TMEM132C: variants seen among roughly 807,000 people sequenced by gnomAD.
TMEM132C encodes the protein transmembrane protein 132C.
A neutral mutation model predicts 61.4 loss-of-function variants in TMEM132C; 29 were observed. The observed-to-expected ratio is 0.47, with a 90% CI of 0.35 to 0.64. The LOEUF (loss-of-function observed/expected upper bound fraction) is 0.64. Among genes scored for constraint, TMEM132C ranks in the 30% least tolerant of loss-of-function variants. The pLI is 0.00. For missense variants in TMEM132C, 1,408 were observed against 1,476.9 expected, an observed-to-expected ratio of 0.95 and a Z score of 0.76; for synonymous variants, 656 against 633.1, an observed-to-expected ratio of 1.04 and a Z score of -0.54.
At chr12:128,299,810 TG>T (rs951074792) in intron 1 of TMEM132C, among the ~76,000 whole-genome samples, 2 of 152,152 alleles carry the variant, frequency 1.3e-5, no homozygotes, top group African/African-American at 4.8e-5. Context: ...CTATGAAATG[TG>T]GTCCCTACCT....
At chr12:128,554,457 T>C (rs1205674013) in intron 3 of TMEM132C, among the ~76,000 whole-genome samples, 2 of 152,226 alleles carry the variant, frequency 1.3e-5, no homozygotes, top group East Asian at 3.9e-4. Flanking sequence ...ATCTTTCAAT[T>C]TTTTAACATT....
At chr12:128,504,994 A>G (rs116421638) in intron 2 of TMEM132C, among the ~76,000 whole-genome samples, 3,488 of 152,152 alleles carry the variant, frequency 0.023, 119 homozygotes, top group African/African-American at 0.075. Flanking sequence ...CGTAGTAAGT[A>G]AGATTACTTA....
intron 2 of TMEM132C, among the ~76,000 whole-genome samples, chr12:128,533,014 T>C (rs1382233230): frequency 6.6e-6 from 1 of 151,518 alleles, no homozygotes; most frequent in African/African-American, 2.4e-5. Context: ...TGCTGTCAGG[T>C]CAGTGGGTGG....
chr12:128,622,762 A>G (rs577707354), intron 4 of TMEM132C, among the ~76,000 whole-genome samples: 2 of 152,238 alleles, frequency 1.3e-5, no homozygotes, highest in Non-Finnish European at 2.9e-5. Context: ...CTCCTTTGAC[A>G]GGGATTGGAG....
intron 4 of TMEM132C, among the ~76,000 whole-genome samples, chr12:128,661,438 C>G (rs1954388486): frequency 6.6e-6 from 1 of 152,118 alleles, no homozygotes; most frequent in Non-Finnish European, 1.5e-5. Flanking sequence ...GAAGGACGGC[C>G]TCACACGCTG....
At chr12:128,299,816 C>G (rs1319967627) in intron 1 of TMEM132C, among the ~76,000 whole-genome samples, 1 of 152,104 alleles carries the variant, frequency 6.6e-6, no homozygotes, top group Non-Finnish European at 1.5e-5. Context: ...AATGTGGTCC[C>G]TACCTCTCAC....
At chr12:128,392,040 CTCTCTG>C (rs1175699382) in intron 1 of TMEM132C, among the ~76,000 whole-genome samples, 5 of 145,560 alleles carry the variant, frequency 3.4e-5, no homozygotes, top group South Asian at 2.2e-4. Flanking sequence ...ACCCTCTGCT[CTCTCTG>C]TCTCTGTCTC....
chr12:128,449,828 C>T (rs540957503), intron 2 of TMEM132C, among the ~76,000 whole-genome samples: 4 of 152,246 alleles, frequency 2.6e-5, no homozygotes, highest in African/African-American at 7.2e-5. Context: ...GTTTCCATGT[C>T]GAAACTCTTT....
intron 1 of TMEM132C, among the ~76,000 whole-genome samples, chr12:128,393,980 T>G (rs1301001636): frequency 6.6e-6 from 1 of 152,166 alleles, no homozygotes; most frequent in African/African-American, 2.4e-5. Context: ...GACGGTGTAT[T>G]AGTCCGTTTT....
At chr12:128,488,731 T>C (rs1015455458) in intron 2 of TMEM132C, among the ~76,000 whole-genome samples, 6 of 152,046 alleles carry the variant, frequency 3.9e-5, no homozygotes, top group African/African-American at 1.4e-4. Context: ...TATATACTTG[T>C]TTTCTGTTCC....
chr12:128,647,886 A>G (rs955972910), intron 4 of TMEM132C, among the ~76,000 whole-genome samples: 3 of 149,648 alleles, frequency 2.0e-5, no homozygotes, highest in Admixed American at 1.3e-4. Flanking sequence ...ACTGGAGTCC[A>G]TTAGCGTTGG....
chr12:128,538,809 T>C (rs539685792), intron 2 of TMEM132C, among the ~76,000 whole-genome samples: 1 of 152,274 alleles, frequency 6.6e-6, no homozygotes, highest in East Asian at 1.9e-4. Flanking sequence ...GTGCCTCCCA[T>C]TTTATCTCTC....
intron 4 of TMEM132C, among the ~76,000 whole-genome samples, chr12:128,644,489 T>G (rs1265717781): frequency 6.6e-6 from 1 of 152,204 alleles, no homozygotes; most frequent in East Asian, 1.9e-4. Flanking sequence ...ATGAAGTAAG[T>G]GAAGCGTTTA....
chr12:128,567,130 C>G (rs1874729786), intron 3 of TMEM132C, among the ~76,000 whole-genome samples: 1 of 152,124 alleles, frequency 6.6e-6, no homozygotes, highest in African/African-American at 2.4e-5. Context: ...TTTTCCAGGA[C>G]CACTCAAGGA....
At chr12:128,309,908 G>A (rs924030841) in intron 1 of TMEM132C, among the ~76,000 whole-genome samples, 59 of 151,844 alleles carry the variant, frequency 3.9e-4, no homozygotes, top group Admixed American at 3.8e-3. Flanking sequence ...GCTAATTTTT[G>A]TATTTTTAGT....
intron 1 of TMEM132C, among the ~76,000 whole-genome samples, chr12:128,298,920 A>G (rs994220317): frequency 1.2e-4 from 18 of 152,152 alleles, no homozygotes; most frequent in African/African-American, 4.1e-4. Flanking sequence ...CCATGAAAAC[A>G]GGGGTGTTTT....
chr12:128,498,165 G>A (rs1328998027), intron 2 of TMEM132C, among the ~76,000 whole-genome samples: 1 of 152,030 alleles, frequency 6.6e-6, no homozygotes, highest in African/African-American at 2.4e-5. Flanking sequence ...CCATAAAGGA[G>A]ACTCTTCAAA....
intron 2 of TMEM132C, among the ~76,000 whole-genome samples, chr12:128,515,909 A>C (rs947808383): frequency 6.6e-6 from 1 of 152,202 alleles, no homozygotes; most frequent in Non-Finnish European, 1.5e-5. Context: ...TTAGAGGATA[A>C]TGCAAGGGTA....
At chr12:128,518,769 G>A (rs1179921235) in intron 2 of TMEM132C, among the ~76,000 whole-genome samples, 1 of 152,082 alleles carries the variant, frequency 6.6e-6, no homozygotes, top group African/African-American at 2.4e-5. Context: ...GTGTGTGTGT[G>A]TGTGTATGCA....
Sources: gnomAD v4.1 joint callset for allele counts (sites outside exome capture counted in the v4.1 genomes callset) on GRCh38, gnomAD v4.1.1 for gene constraint, MANE v1.5 for transcripts, NCBI Gene and HGNC (gene_info 2026-07-23, HGNC 2026-07-21) for gene names.